GRM7: variants seen among roughly 807,000 people sequenced by gnomAD.
The protein encoded by GRM7 is metabotropic glutamate receptor 7.
Under a neutral mutation model 84.5 loss-of-function variants are expected in GRM7, and 35 were observed. The ratio of observed to expected loss-of-function variants is 0.41; its 90% CI spans 0.32 to 0.55. GRM7 has a LOEUF of 0.55. Among genes scored for constraint, GRM7 ranks in the 20% least tolerant of loss-of-function variants. The probability of loss-of-function intolerance (pLI) is 0.19; values close to 1 mark genes in which losing one functional copy is unlikely to be tolerated. For missense variants in GRM7, 1,003 were observed against 1,194.6 expected (o/e 0.84, Z 2.36); for synonymous variants, 487 against 455.1 (o/e 1.07, Z -0.89).
chr3:7,646,386 G>T (rs1018257595), intron 8 of GRM7, among the ~76,000 whole-genome samples: 1 of 152,038 alleles, frequency 6.6e-6, no homozygotes, highest in Non-Finnish European at 1.5e-5. Flanking sequence ...TAGAGAGGGG[G>T]TTTCACCATG....
At chr3:7,230,758 A>G (rs536786195) in intron 2 of GRM7, among the ~76,000 whole-genome samples, 2 of 152,208 alleles carry the variant, frequency 1.3e-5, no homozygotes, top group Non-Finnish European at 2.9e-5. Context: ...CTGATGTGTT[A>G]GGACATTTTT....
At chr3:7,372,432 G>A (rs1033239888) in intron 4 of GRM7, among the ~76,000 whole-genome samples, 5 of 152,016 alleles carry the variant, frequency 3.3e-5, no homozygotes, top group Admixed American at 1.3e-4. Context: ...AAGACATGCT[G>A]GATTTTAGAA....
chr3:6,949,757 T>C (rs964931654), intron 1 of GRM7, among the ~76,000 whole-genome samples: 2 of 152,150 alleles, frequency 1.3e-5, no homozygotes, highest in Non-Finnish European at 2.9e-5. Flanking sequence ...GTTTGTTTCG[T>C]TTTATTCTTT....
intron 2 of GRM7, among the ~76,000 whole-genome samples, chr3:7,175,136 T>A (rs1231973017): frequency 6.6e-6 from 1 of 152,172 alleles, no homozygotes; most frequent in Non-Finnish European, 1.5e-5. Context: ...ATGTTTTCAG[T>A]TTTGCTTTTG....
rs1699194751 is a variant in GRM7 at position 7,103,774 on chromosome 3, CTT to C, written c.520-42676_520-42675del. ...CCTTTCTTTCTTTCTTTCTTTCTTT[CTT>C]TCTTTCTTTCTTTCTTTCTTTCTTT... On this transcript the variant is annotated intron_variant, in intron 1 of 9. Coordinates refer to ENST00000357716, the MANE Select transcript of GRM7 (RefSeq NM_000844.4). Among the ~76,000 whole-genome samples the C allele has an allele frequency of 5.9e-5, 6 of 102,158 alleles. No homozygotes were observed. In the East Asian group the frequency reaches 7.8e-4, roughly 13 times the overall value. 67.0% of individuals were successfully genotyped at this position (102,158 alleles called of 152,430 possible).
At chr3:7,550,469 T>G (rs1187238423) in intron 7 of GRM7, among the ~76,000 whole-genome samples, 1 of 134,008 alleles carries the variant, frequency 7.5e-6, no homozygotes, top group Non-Finnish European at 1.6e-5. Context: ...TCTCCCTCTC[T>G]CCTTTCTTTC....
intron 7 of GRM7, among the ~76,000 whole-genome samples, chr3:7,566,810 A>G (rs183223484): frequency 7.2e-5 from 11 of 152,312 alleles, no homozygotes; most frequent in Admixed American, 7.2e-4. Context: ...GGGGAAAAAA[A>G]AAATGGTTCT....
chr3:7,413,981 G>A (rs1696054580), intron 4 of GRM7, among the ~76,000 whole-genome samples: 1 of 152,118 alleles, frequency 6.6e-6, no homozygotes, highest in African/African-American at 2.4e-5. Context: ...CCAGGGTCTG[G>A]AATTAGGCAG....
At chr3:7,090,881 T>A (rs571773657) in intron 1 of GRM7, among the ~76,000 whole-genome samples, 90 of 152,260 alleles carry the variant, frequency 5.9e-4, no homozygotes, top group African/African-American at 2.0e-3. Context: ...TAATAAAATA[T>A]CTTAAACTAT....
At chr3:7,005,694 A>G (rs1695158301) in intron 1 of GRM7, among the ~76,000 whole-genome samples, 1 of 152,174 alleles carries the variant, frequency 6.6e-6, no homozygotes, top group African/African-American at 2.4e-5. Flanking sequence ...CAAAATTTTA[A>G]TTTAAATTCA....
At chr3:6,936,806 C>T (rs188517169) in intron 1 of GRM7, among the ~76,000 whole-genome samples, 64 of 152,212 alleles carry the variant, frequency 4.2e-4, no homozygotes, top group Non-Finnish European at 6.6e-4. Flanking sequence ...TTGTTCCATC[C>T]CTTATTATTA....
chr3:7,686,100 T>C (rs978282893), intron 9 of GRM7, among the ~76,000 whole-genome samples: 7 of 152,128 alleles, frequency 4.6e-5, no homozygotes, highest in Admixed American at 4.6e-4. Context: ...ATGTTTGGGC[T>C]GGTTCCCTCA....
intron 5 of GRM7, among the ~76,000 whole-genome samples, chr3:7,438,207 C>T (rs1216941326): frequency 6.6e-6 from 1 of 151,902 alleles, no homozygotes; most frequent in Non-Finnish European, 1.5e-5. Flanking sequence ...CCAGGATAGA[C>T]ATTGTGAGAC....
chr3:7,329,043 C>T (rs1271067382), intron 4 of GRM7, among the ~76,000 whole-genome samples: 2 of 151,826 alleles, frequency 1.3e-5, no homozygotes, highest in Non-Finnish European at 2.9e-5. Flanking sequence ...CCCCCACCCC[C>T]ACCACCCCTT....
chr3:7,713,124 G>GTTTT (rs5846535), intron 9 of GRM7, among the ~76,000 whole-genome samples: 288 of 96,998 alleles, frequency 3.0e-3, no homozygotes, highest in Non-Finnish European at 5.1e-3. Flanking sequence ...ATTTTGTTTT[G>GTTTT]TTTTTTTTTT....
intron 1 of GRM7, among the ~76,000 whole-genome samples, chr3:7,016,097 T>C (rs1438263377): frequency 8.0e-6 from 1 of 124,296 alleles, no homozygotes; most frequent in African/African-American, 3.1e-5. Flanking sequence ...TGTAGAGGAA[T>C]ACGCAGTTTA....
At chr3:7,071,699 T>C (rs1697888364) in intron 1 of GRM7, among the ~76,000 whole-genome samples, 2 of 152,176 alleles carry the variant, frequency 1.3e-5, no homozygotes, top group South Asian at 4.1e-4. Flanking sequence ...AAAACATTTA[T>C]TGATTTGGAG....
At chr3:7,417,038 C>A (rs1176694952) in intron 5 of GRM7, among the ~76,000 whole-genome samples, 1 of 152,096 alleles carries the variant, frequency 6.6e-6, no homozygotes, top group African/African-American at 2.4e-5. Context: ...AGCTTAAACA[C>A]AGGCTGTTTT....
intron 1 of GRM7, among the ~76,000 whole-genome samples, chr3:6,866,235 C>T (rs888808923): frequency 6.6e-6 from 1 of 151,954 alleles, no homozygotes; most frequent in African/African-American, 2.4e-5. Context: ...TATAAAAGAC[C>T]ATACTTGGAT....
Sources: gnomAD v4.1 joint callset for allele counts (sites outside exome capture counted in the v4.1 genomes callset) on GRCh38, gnomAD v4.1.1 for gene constraint, MANE v1.5 for transcripts, NCBI Gene and HGNC (gene_info 2026-07-23, HGNC 2026-07-21) for gene names.